CHN2: variants seen among roughly 807,000 people sequenced by gnomAD.
The protein encoded by CHN2 is chimerin 2, also known as beta-chimaerin.
In CHN2, 35 loss-of-function variants were observed where a neutral mutation model predicts 56.3. That is an observed-to-expected ratio of 0.62 (90% CI 0.47 to 0.82). The LOEUF is 0.82. Ranked by LOEUF, CHN2 falls within the 40% of genes least tolerant of loss-of-function variation. CHN2 has a pLI of 0.00. For missense variants in CHN2, 491 were observed against 580.5 expected, an observed-to-expected ratio of 0.85 and a Z score of 1.58; for synonymous variants, 210 against 212.8, an observed-to-expected ratio of 0.99 and a Z score of 0.12.
At chr7:29,344,708 T>C (rs946040061) in intron 1 of CHN2, among the ~76,000 whole-genome samples, 1 of 152,130 alleles carries the variant, frequency 6.6e-6, no homozygotes, top group African/African-American at 2.4e-5. Context: ...TCTCTTTGTC[T>C]TTGGGGACTT....
chr7:29,379,148 T>A (rs1030199798), intron 3 of CHN2, among the ~76,000 whole-genome samples: 2 of 152,222 alleles, frequency 1.3e-5, no homozygotes, highest in African/African-American at 4.8e-5. Context: ...CAAGCCATGT[T>A]GAGAGATGAC....
At chr7:29,431,985 G>A (rs1195888946) in intron 6 of CHN2, among the ~76,000 whole-genome samples, 1 of 152,226 alleles carries the variant, frequency 6.6e-6, no homozygotes, top group Non-Finnish European at 1.5e-5. Context: ...CTCACCCTAA[G>A]ATGGCTCAGG....
At chr7:29,213,206 A>C in intron 1 of CHN2, 1 of 1,189,584 alleles carries the variant, frequency 8.4e-7, no homozygotes, top group South Asian at 1.2e-5. Context: ...CGCAACCTGA[A>C]GATGTGTGAA....
chr7:29,479,588 A>C, intron 6 of CHN2: 1 of 819,454 alleles, frequency 1.2e-6, no homozygotes, highest in East Asian at 1.1e-4. Flanking sequence ...AAGATTAAAC[A>C]GTCATCAGGG....
chr7:29,442,595 C>T (rs1433925025), intron 6 of CHN2, among the ~76,000 whole-genome samples: 1 of 152,160 alleles, frequency 6.6e-6, no homozygotes, highest in Admixed American at 6.5e-5. Flanking sequence ...CCTCTAATTC[C>T]CAATACCCAC....
At chr7:29,452,689 C>T (rs1212762992) in intron 6 of CHN2, among the ~76,000 whole-genome samples, 1 of 152,222 alleles carries the variant, frequency 6.6e-6, no homozygotes, top group Non-Finnish European at 1.5e-5. Flanking sequence ...CAAGACTCGC[C>T]ATGGTTGGCT....
At chr7:29,499,689 T>C (rs1277485265) in intron 8 of CHN2, among the ~76,000 whole-genome samples, 178 bp from the exon 9 acceptor site, 1 of 152,308 alleles carries the variant, frequency 6.6e-6, no homozygotes, top group East Asian at 1.9e-4. Flanking sequence ...TATAAGGGTT[T>C]AGTGATTAGA....
chr7:29,423,486 G>T (rs1804545657), intron 6 of CHN2, among the ~76,000 whole-genome samples: 1 of 152,180 alleles, frequency 6.6e-6, no homozygotes, highest in Non-Finnish European at 1.5e-5. Context: ...TTTTTGTTGA[G>T]ACTGCCTTGC....
At chr7:29,403,038 G>A (rs969745004) in intron 6 of CHN2, among the ~76,000 whole-genome samples, 3 of 152,060 alleles carry the variant, frequency 2.0e-5, no homozygotes, top group Non-Finnish European at 4.4e-5. Flanking sequence ...GACGGGTGTC[G>A]GTGGTGTGGA....
At position 29,514,246 on chromosome 7, in the gene CHN2, T is replaced by C. The variant is rs1791819136; in HGVS notation, c.*1511T>C. The C allele has an allele frequency of 6.6e-6, 1 of 152,664 alleles. No homozygotes were observed. The highest frequency in any genetic ancestry group is 1.5e-5 in the Non-Finnish European group (1 of 68,044). 9.5% of individuals were successfully genotyped at this position (152,664 alleles called of 1,614,324 possible). A position where few individuals can be genotyped will look rare whatever the true frequency, so the allele number is the denominator to read the frequency against. On this transcript the variant is annotated 3_prime_UTR_variant, in exon 13 of 13. Coordinates refer to ENST00000222792, the MANE Select transcript of CHN2 (RefSeq NM_004067.4). ...AAATTATCTGGAAATGGTTTTATTT[T>C]GTGAAGTGAACAATACTTTGTAATT...
rs191602097 is a variant in CHN2, at chr7:29,174,966, T to C, written c.274+28006T>C. Among the ~76,000 whole-genome samples, 47 of 152,130 alleles carry C rather than the reference T, an allele frequency of 3.1e-4. 1 individual carries two copies. Among genetic ancestry groups the C allele is most frequent in the Middle Eastern group, 3.4e-3 (1 of 294 alleles). ...CTATAAATGAAAAATATAAAAATTG[T>C]ATTCATCTCAGTTGATAAGCAGCAG... On this transcript the variant is annotated intron_variant, in intron 2 of 6. Transcript: ENST00000439384.
At chr7:29,234,824 C>CATGTT (rs1253251231) in intron 1 of CHN2, among the ~76,000 whole-genome samples, 3 of 152,174 alleles carry the variant, frequency 2.0e-5, no homozygotes, top group African/African-American at 7.2e-5. Context: ...GCTAAAGTAA[C>CATGTT]ATTAGCATGA....
At chr7:29,274,514 C>T (rs1332938139) in intron 1 of CHN2, among the ~76,000 whole-genome samples, 1 of 152,168 alleles carries the variant, frequency 6.6e-6, no homozygotes, top group African/African-American at 2.4e-5. Context: ...TAATTGTAAC[C>T]TCCTTTTTCC....
At chr7:29,293,226 C>G (rs1374343729) in intron 1 of CHN2, among the ~76,000 whole-genome samples, 2 of 152,132 alleles carry the variant, frequency 1.3e-5, no homozygotes, top group East Asian at 3.9e-4. Context: ...AAATCCTTTT[C>G]CCTCCCACCT....
chr7:29,178,065 A>T (rs563181085), intron 2 of CHN2, among the ~76,000 whole-genome samples: 3 of 152,120 alleles, frequency 2.0e-5, no homozygotes, highest in African/African-American at 7.2e-5. Flanking sequence ...ACATTCCATC[A>T]TCAGCAAGTG....
chr7:29,296,471 G>A (rs1793168261), intron 1 of CHN2, among the ~76,000 whole-genome samples: 1 of 152,206 alleles, frequency 6.6e-6, no homozygotes, highest in Non-Finnish European at 1.5e-5. Context: ...GATTCTCAAT[G>A]ATACTGGGTA....
intron 2 of CHN2, among the ~76,000 whole-genome samples, chr7:29,175,467 T>A (rs190363736): frequency 6.6e-6 from 1 of 152,210 alleles, no homozygotes; most frequent in African/African-American, 2.4e-5. Flanking sequence ...TGAGCCACCA[T>A]GCCTGGCTGA....
At position 29,273,329 on chromosome 7, in the gene CHN2, A is replaced by ATATATATATATATGTG. The variant is rs1413017055; in HGVS notation, c.49+78350_49+78351insATGTGTATATATATAT. Among the ~76,000 whole-genome samples the ATATATATATATATGTG allele has an allele frequency of 2.1e-3, 201 of 95,642 alleles. 5 individuals carry two copies. Among genetic ancestry groups the ATATATATATATATGTG allele is most frequent in the African/African-American group, 0.011 (189 of 16,882 alleles). The allele number at this position is 95,642 out of a possible 152,430, so 62.7% of individuals were successfully genotyped here. A position where few individuals can be genotyped will look rare whatever the true frequency, so the allele number is the denominator to read the frequency against. On this transcript the variant is annotated intron_variant, in intron 1 of 12. Coordinates refer to ENST00000222792, the MANE Select transcript of CHN2 (RefSeq NM_004067.4). ...GGCTGAATAATATTCCATCATGCATATATATATATATGTGTATATATATAT... is the reference window on the plus strand; with the variant it reads ...GGCTGAATAATATTCCATCATGCATATATATATATATATGTGTATATATATATGTGTATATATATAT...
chr7:29,232,100 T>C (rs957299910), intron 1 of CHN2, among the ~76,000 whole-genome samples: 3 of 152,154 alleles, frequency 2.0e-5, no homozygotes, highest in African/African-American at 7.2e-5. Context: ...CCCTGGGCTA[T>C]GGTTGAGAAA....
Sources: allele counts gnomAD v4.1 joint callset (sites outside exome capture counted in the v4.1 genomes callset), GRCh38; gene constraint gnomAD v4.1.1; transcripts MANE v1.5; gene names NCBI Gene and HGNC (gene_info 2026-07-23, HGNC 2026-07-21).